The following MSRB3 variants were observed in gnomAD, a reference collection of about 807,000 sequenced individuals.
MSRB3 encodes the protein methionine-R-sulfoxide reductase B3.
Under a neutral mutation model 21.0 loss-of-function variants are expected in MSRB3, and 13 were observed. That is an observed-to-expected ratio of 0.62 (90% CI 0.40 to 0.98). The LOEUF (loss-of-function observed/expected upper bound fraction) is 0.98, where lower values mean the gene tolerates loss of function less well. Ranked by LOEUF, MSRB3 falls within the 50% of genes least tolerant of loss-of-function variation. The pLI is 0.00. For missense variants in MSRB3, 199 were observed against 230.3 expected (o/e 0.86, Z 0.88); for synonymous variants, 87 against 88.6 (o/e 0.98, Z 0.10).
chr12:65,356,508 T>G (rs1358874759), intron 4 of MSRB3, among the ~76,000 whole-genome samples: 2 of 151,890 alleles, frequency 1.3e-5, no homozygotes. Context: ...TGGTGGTATT[T>G]GGTTACATGA....
chr12:65,446,623 GA>G (rs1882630232), intron 5 of MSRB3, among the ~76,000 whole-genome samples: 1 of 152,050 alleles, frequency 6.6e-6, no homozygotes, highest in African/African-American at 2.4e-5. Flanking sequence ...ATGAGAGTAA[GA>G]AAAAGAAGAG....
intron 2 of MSRB3, among the ~76,000 whole-genome samples, chr12:65,312,321 A>C (rs12315891): frequency 0.04 from 6,080 of 152,022 alleles, 399 homozygotes; most frequent in African/African-American, 0.14. Context: ...TGGTGGGAGG[A>C]CACAGTTTCC....
chr12:65,453,205 A>G (rs976932415), intron 5 of MSRB3, among the ~76,000 whole-genome samples: 2 of 152,314 alleles, frequency 1.3e-5, no homozygotes, highest in East Asian at 3.9e-4. Flanking sequence ...CCCTTTTTCC[A>G]GGAAATTAGA....
chr12:65,463,398 GA>G lies in MSRB3; in HGVS notation c.*77del. The G allele has an allele frequency of 2.0e-6, 3 of 1,525,162 alleles. No homozygotes were observed. In the South Asian group the frequency reaches 3.6e-5, roughly 19 times the overall value. 94.5% of individuals were successfully genotyped at this position (1,525,162 alleles called of 1,614,324 possible). A position where few individuals can be genotyped will look rare whatever the true frequency, so the allele number is the denominator to read the frequency against. The stretch of plus-strand genomic sequence containing the variant: ...AAAAATCAAAATTGTTATCTTAATA[GA>G]TATATTTTTTCAAAAACTATAAGGG... On this transcript the variant is annotated 3_prime_UTR_variant, in exon 7 of 7. Coordinates refer to ENST00000308259, the MANE Select transcript of MSRB3 (RefSeq NM_001031679.3).
intron 6 of MSRB3, among the ~76,000 whole-genome samples, chr12:65,461,845 G>A (rs911255572): frequency 2.0e-5 from 3 of 152,100 alleles, no homozygotes; most frequent in African/African-American, 4.8e-5. Flanking sequence ...CCCTCTTCTC[G>A]AAATGCCCTC....
chr12:65,428,975 C>T (rs894002061), intron 5 of MSRB3, among the ~76,000 whole-genome samples: 1 of 152,030 alleles, frequency 6.6e-6, no homozygotes, highest in Admixed American at 6.6e-5. Flanking sequence ...ACTTACCAGT[C>T]TCTATTGTCT....
intron 1 of MSRB3, among the ~76,000 whole-genome samples, chr12:65,293,198 C>T (rs1361807274): frequency 6.6e-6 from 1 of 152,138 alleles, no homozygotes; most frequent in Non-Finnish European, 1.5e-5. Context: ...TTATTGATCT[C>T]ATGTCCTGTG....
intron 5 of MSRB3, among the ~76,000 whole-genome samples, chr12:65,377,551 C>G (rs899375536): frequency 6.6e-6 from 1 of 152,206 alleles, no homozygotes; most frequent in African/African-American, 2.4e-5. Flanking sequence ...CCATCTGCCT[C>G]GGCCTCCCAA....
intron 5 of MSRB3, chr12:65,419,102 A>G (rs192335059): frequency 4.4e-6 from 3 of 688,176 alleles, no homozygotes; most frequent in Admixed American, 4.0e-5. Context: ...GTCTCCGAGG[A>G]CTGGGCTGTA....
chr12:65,352,299 T>A (rs1468834599), intron 4 of MSRB3, among the ~76,000 whole-genome samples: 4 of 151,978 alleles, frequency 2.6e-5, no homozygotes, highest in Non-Finnish European at 5.9e-5. Context: ...AATTAGGTAT[T>A]GATGGGACGT....
chr12:65,376,283 C>G (rs1166465315), intron 5 of MSRB3, among the ~76,000 whole-genome samples: 1 of 152,050 alleles, frequency 6.6e-6, no homozygotes. Context: ...CTGCGCCCGG[C>G]TAATTTTTTG....
rs542471981 is a variant in MSRB3 at position 65,465,359 on chromosome 12, G to T, written c.*2037G>T. The T allele has an allele frequency of 2.0e-5, 3 of 152,140 alleles. No homozygotes were observed. Among genetic ancestry groups the T allele is most frequent in the Non-Finnish European group, 2.9e-5 (2 of 68,036 alleles). The allele number at this position is 152,140 out of a possible 1,614,324, so 9.4% of individuals were successfully genotyped here. On this transcript the variant is annotated 3_prime_UTR_variant, in exon 7 of 7. Coordinates refer to ENST00000308259, the MANE Select transcript of MSRB3 (RefSeq NM_001031679.3). ...GTTTGGATGCTAATCTTGAATTGTA[G>T]TTTAAAAAATACGTATTTTTGTAAC...
At chr12:65,437,166 G>A (rs571767432) in intron 5 of MSRB3, among the ~76,000 whole-genome samples, 2 of 151,902 alleles carry the variant, frequency 1.3e-5, no homozygotes, top group East Asian at 1.9e-4. Flanking sequence ...TTGCCCCGTG[G>A]ACTAAGGGGC....
intron 5 of MSRB3, among the ~76,000 whole-genome samples, chr12:65,389,599 G>A (rs1320120357): frequency 1.3e-5 from 2 of 152,132 alleles, no homozygotes; most frequent in African/African-American, 4.8e-5. Context: ...ATCAACAACT[G>A]AGTGTCTTCA....
chr12:65,401,809 T>G (rs889867045), intron 5 of MSRB3, among the ~76,000 whole-genome samples: 8 of 152,218 alleles, frequency 5.3e-5, no homozygotes, highest in Non-Finnish European at 8.8e-5. Context: ...AGCCTGGTGA[T>G]GACAAAAATC....
In MSRB3 at chr12:65,454,739, G is replaced by C. The variant is rs554408115; in HGVS notation, c.390+914G>C. Among the ~76,000 whole-genome samples, 104 of 152,294 alleles carry C rather than the reference G, an allele frequency of 6.8e-4. 1 individual carries two copies. The highest frequency in any genetic ancestry group is 2.2e-3 in the African/African-American group (91 of 41,568). The stretch of plus-strand genomic sequence containing the variant: ...ATTTCCTAATTAGTTCTGTCCATCT[G>C]CTTTAACCAAATTAATGCTGGCTCT... On this transcript the variant is annotated intron_variant, in intron 6 of 6. Transcript: ENST00000308259.
At chr12:65,323,761 A>T (rs1462960186) in intron 2 of MSRB3, among the ~76,000 whole-genome samples, 1 of 152,212 alleles carries the variant, frequency 6.6e-6, no homozygotes, top group Non-Finnish European at 1.5e-5. Context: ...TCTGATAGGG[A>T]GAAGGGAAAT....
intron 4 of MSRB3, among the ~76,000 whole-genome samples, chr12:65,348,256 T>C (rs1876668640): frequency 6.6e-6 from 1 of 152,210 alleles, no homozygotes; most frequent in Non-Finnish European, 1.5e-5. Flanking sequence ...ATTGCCTCAA[T>C]TTCAGAGCAT....
chr12:65,419,174 T>C (rs750576143), intron 5 of MSRB3: 2 of 694,336 alleles, frequency 2.9e-6, no homozygotes, highest in Non-Finnish European at 5.2e-6. Context: ...AACTGCATGG[T>C]GACCACTGTG....
Sources: allele counts gnomAD v4.1 joint callset (sites outside exome capture counted in the v4.1 genomes callset), GRCh38; gene constraint gnomAD v4.1.1; transcripts MANE v1.5; gene names NCBI Gene and HGNC (gene_info 2026-07-23, HGNC 2026-07-21).